The following AOPEP variants were observed in gnomAD, a reference collection of about 807,000 sequenced individuals.
AOPEP encodes the protein aminopeptidase O (putative).
AOPEP carries 77 observed loss-of-function variants against 98.1 expected under a neutral mutation model. That is an observed-to-expected ratio of 0.78 (90% CI 0.65 to 0.95). AOPEP has a LOEUF of 0.95. Ranked by LOEUF, AOPEP falls within the 40% of genes least tolerant of loss-of-function variation. The probability of loss-of-function intolerance (pLI) is 0.00; values close to 1 mark genes in which losing one functional copy is unlikely to be tolerated. For synonymous variants in AOPEP, 346 were observed against 365.3 expected, an observed-to-expected ratio of 0.95 and a Z score of 0.60; for missense variants, 1,024 against 1,024.7, an observed-to-expected ratio of 1.00 and a Z score of 0.01.
the AOPEP span, among the ~76,000 whole-genome samples, chr9:95,137,330 C>T: frequency 6.6e-6 from 1 of 152,096 alleles, no homozygotes; most frequent in Non-Finnish European, 1.5e-5. Flanking sequence ...AGGGAAGAGG[C>T]TGAAGACCCG....
intron 9 of AOPEP, among the ~76,000 whole-genome samples, chr9:94,960,884 C>T (rs969582530): frequency 6.6e-6 from 1 of 151,718 alleles, no homozygotes; most frequent in African/African-American, 2.4e-5. Context: ...CGGTGGGGGG[C>T]GCCTGTAGTC....
intron 5 of AOPEP, among the ~76,000 whole-genome samples, chr9:94,861,652 G>A (rs1323886925): frequency 9.2e-5 from 14 of 152,186 alleles, no homozygotes; most frequent in Admixed American, 9.2e-4. Flanking sequence ...TGGAAAAAGA[G>A]TCATTTGGTT....
chr9:94,737,981 A>G (rs1832155413), intron 1 of AOPEP, among the ~76,000 whole-genome samples: 1 of 152,178 alleles, frequency 6.6e-6, no homozygotes, highest in African/African-American at 2.4e-5. Flanking sequence ...GGGCCAAACC[A>G]GGGGAATCTC....
At chr9:94,785,620 A>G (rs1191736206) in intron 3 of AOPEP, among the ~76,000 whole-genome samples, 1 of 152,166 alleles carries the variant, frequency 6.6e-6, no homozygotes, top group African/African-American at 2.4e-5. Context: ...ATCCCTTCCT[A>G]CCAACCCTCT....
At chr9:95,075,066 G>T (rs1291125306) in intron 14 of AOPEP, among the ~76,000 whole-genome samples, 4 of 152,046 alleles carry the variant, frequency 2.6e-5, no homozygotes, top group Non-Finnish European at 5.9e-5. Flanking sequence ...TTCTCTACTT[G>T]CCCAGTCTCC....
intron 2 of AOPEP, among the ~76,000 whole-genome samples, chr9:94,770,144 G>A (rs558496002): frequency 3.9e-5 from 6 of 152,252 alleles, no homozygotes; most frequent in East Asian, 1.9e-4. Context: ...TAAAAGTGTC[G>A]TCTGTCATGT....
intron 2 of AOPEP, among the ~76,000 whole-genome samples, 166 bp from the exon 3 acceptor site, chr9:94,772,836 C>T (rs1841188560): frequency 1.3e-5 from 2 of 152,178 alleles, no homozygotes; most frequent in Non-Finnish European, 2.9e-5. Context: ...ATTCACATAG[C>T]CAGCCCTTGG....
intron 5 of AOPEP, among the ~76,000 whole-genome samples, chr9:94,847,972 A>G (rs1041253801): frequency 6.6e-6 from 1 of 152,208 alleles, no homozygotes; most frequent in Non-Finnish European, 1.5e-5. Flanking sequence ...GACTGGGGAC[A>G]TATCACTTAG....
rs986840042 is a variant in AOPEP, at chr9:94,750,586, A to AAAAAC, written c.-135-9043_-135-9039dup. ...GCGACAGAGCGAGACTCCGTCTCAA[A>AAAAAC]AAAACAAAACAAAACAAAACAAAAA... On this transcript the variant is annotated intron_variant, in intron 1 of 16. Coordinates refer to ENST00000375315, the MANE Select transcript of AOPEP (RefSeq NM_001193329.3). 7.9e-5 allele frequency among the ~76,000 whole-genome samples: 12 copies of AAAAAC among 152,210 alleles called. No homozygotes were observed. The East Asian group carries it at 1.4e-3, about 17-fold the overall frequency.
chr9:95,007,664 T>A (rs146477942), intron 13 of AOPEP, among the ~76,000 whole-genome samples: 2 of 152,330 alleles, frequency 1.3e-5, no homozygotes, highest in African/African-American at 4.8e-5. Context: ...CAGAGTCATA[T>A]CAGAGAATAT....
At chr9:95,127,350 C>G in the AOPEP span, 1 of 152,216 alleles carries the variant, frequency 6.6e-6, no homozygotes, top group African/African-American at 2.4e-5. Flanking sequence ...TCCTTTATAG[C>G]AGGGTCCGTA....
chr9:95,003,233 C>T (rs1234723784), intron 11 of AOPEP, among the ~76,000 whole-genome samples: 1 of 152,140 alleles, frequency 6.6e-6, no homozygotes, highest in Non-Finnish European at 1.5e-5. Context: ...TTTCAAATAA[C>T]TAGTACCCAG....
chr9:94,726,897 C>T (rs1368257169), intron 1 of AOPEP, 146 bp downstream of exon 1: 4 of 152,632 alleles, frequency 2.6e-5, no homozygotes, highest in Non-Finnish European at 5.9e-5. Flanking sequence ...CCCGCATCCC[C>T]TCCTCAGTTC....
intron 16 of AOPEP, among the ~76,000 whole-genome samples, chr9:95,084,710 C>T (rs2070386685): frequency 6.6e-6 from 1 of 152,166 alleles, no homozygotes. Flanking sequence ...ACAAGTCTCC[C>T]TTTTCCCCCT....
At chr9:95,010,421 A>G in intron 13 of AOPEP, among the ~76,000 whole-genome samples, 1 of 152,240 alleles carries the variant, frequency 6.6e-6, no homozygotes, top group East Asian at 1.9e-4. Context: ...ATGGCACAGA[A>G]TGAACCTATG....
At chr9:95,141,311 C>CAAAAAAAA in the AOPEP span, among the ~76,000 whole-genome samples, 1 of 54,882 alleles carries the variant, frequency 1.8e-5, no homozygotes, top group African/African-American at 7.5e-5. Context: ...GACCCTGTCT[C>CAAAAAAAA]AAAAAAAAAA....
At chr9:94,860,997 G>A (rs1266247990) in intron 5 of AOPEP, among the ~76,000 whole-genome samples, 1 of 152,156 alleles carries the variant, frequency 6.6e-6, no homozygotes, top group Non-Finnish European at 1.5e-5. Context: ...AGTCAGATTC[G>A]GTGCTTTTTG....
At chr9:95,102,810 C>T in the AOPEP span, among the ~76,000 whole-genome samples, 3 of 152,334 alleles carry the variant, frequency 2.0e-5, no homozygotes, top group East Asian at 1.9e-4. Context: ...TGAATGGCAG[C>T]GTGGGGACGC....
At chr9:94,921,615 C>G (rs2053628928) in intron 5 of AOPEP, among the ~76,000 whole-genome samples, 1 of 152,122 alleles carries the variant, frequency 6.6e-6, no homozygotes, top group Admixed American at 6.5e-5. Context: ...TTGTTAACAG[C>G]CTTTGAGAAA....
Sources: gnomAD v4.1 joint callset for allele counts (sites outside exome capture counted in the v4.1 genomes callset) on GRCh38, gnomAD v4.1.1 for gene constraint, MANE v1.5 for transcripts, NCBI Gene and HGNC (gene_info 2026-07-23, HGNC 2026-07-21) for gene names.